The following PDE11A variants were observed in gnomAD, a reference collection of about 807,000 sequenced individuals.
PDE11A encodes the protein phosphodiesterase 11A, also known as dual 3',5'-cyclic-AMP and -GMP phosphodiesterase 11A.
Under a neutral mutation model 100.5 loss-of-function variants are expected in PDE11A, and 100 were observed. The ratio of observed to expected loss-of-function variants is 1.00; its 90% CI spans 0.85 to 1.18. PDE11A has a LOEUF of 1.18. Among genes scored for constraint, PDE11A ranks in the 50% most tolerant of loss-of-function variants. The probability of loss-of-function intolerance (pLI) is 0.00; values close to 1 mark genes in which losing one functional copy is unlikely to be tolerated. For synonymous variants in PDE11A, 381 were observed against 420.8 expected, an observed-to-expected ratio of 0.91 and a Z score of 1.16; for missense variants, 1,141 against 1,152.6, an observed-to-expected ratio of 0.99 and a Z score of 0.15.
chr2:177,800,543 C>A (rs4243392), intron 9 of PDE11A, among the ~76,000 whole-genome samples: 1 of 152,046 alleles, frequency 6.6e-6, no homozygotes, highest in Non-Finnish European at 1.5e-5. Flanking sequence ...CTCGTAGCAG[C>A]GTATGCTGAG....
At chr2:177,873,335 T>G (rs1287949576) in intron 5 of PDE11A, among the ~76,000 whole-genome samples, 1 of 152,226 alleles carries the variant, frequency 6.6e-6, no homozygotes, top group Non-Finnish European at 1.5e-5. Context: ...TAGAGATTTT[T>G]CTATCGTATT....
intron 2 of PDE11A, among the ~76,000 whole-genome samples, chr2:178,081,448 A>C (rs6754705): frequency 6.6e-6 from 1 of 152,076 alleles, no homozygotes; most frequent in Non-Finnish European, 1.5e-5. Flanking sequence ...CTACAATAAT[A>C]AGGTAAAGAA....
chr2:177,963,540 T>C (rs1237535362), intron 2 of PDE11A, among the ~76,000 whole-genome samples: 1 of 152,214 alleles, frequency 6.6e-6, no homozygotes, highest in Non-Finnish European at 1.5e-5. Context: ...AGATCCACTC[T>C]TGCCTGCACC....
At chr2:177,670,733 T>C (rs1574028162) in intron 17 of PDE11A, among the ~76,000 whole-genome samples, 2 of 152,162 alleles carry the variant, frequency 1.3e-5, no homozygotes, top group Non-Finnish European at 2.9e-5. Flanking sequence ...CAATCACAGA[T>C]TATAGATAAA....
intron 10 of PDE11A, among the ~76,000 whole-genome samples, chr2:177,737,055 A>AC (rs34130310): frequency 0.69 from 103,869 of 151,094 alleles, 37,964 homozygotes; most frequent in East Asian, 0.86. Flanking sequence ...AGCCTGACAA[A>AC]ATGGAGAAAC....
intron 6 of PDE11A, among the ~76,000 whole-genome samples, chr2:177,830,576 G>A (rs1371368334): frequency 1.3e-5 from 2 of 149,360 alleles, no homozygotes; most frequent in Non-Finnish European, 1.5e-5. Flanking sequence ...ACTCCAGCCT[G>A]GGAGACAGAG....
At chr2:178,010,769 C>T (rs1053531885) in intron 2 of PDE11A, among the ~76,000 whole-genome samples, 2 of 151,966 alleles carry the variant, frequency 1.3e-5, no homozygotes, top group African/African-American at 2.4e-5. Context: ...CGTATGTGGA[C>T]GCATATGTAA....
At chr2:177,640,768 G>A (rs1490112762) in intron 19 of PDE11A, among the ~76,000 whole-genome samples, 1 of 152,198 alleles carries the variant, frequency 6.6e-6, no homozygotes, top group Admixed American at 6.5e-5. Flanking sequence ...TGGACGGACT[G>A]TTTACAACTG....
chr2:177,681,004 C>G, intron 15 of PDE11A, 101 bp from the exon 16 acceptor site: 1 of 676,638 alleles, frequency 1.5e-6, no homozygotes, highest in Non-Finnish European at 2.6e-6. Context: ...AAACATAAGA[C>G]CACTTGAACC....
intron 2 of PDE11A, among the ~76,000 whole-genome samples, chr2:177,959,755 A>G (rs2085609473): frequency 6.6e-6 from 1 of 152,190 alleles, no homozygotes; most frequent in East Asian, 1.9e-4. Flanking sequence ...CAAAACTCAA[A>G]TCAAGTAGAG....
chr2:177,965,832 A>G (rs2695750), intron 2 of PDE11A, among the ~76,000 whole-genome samples: 85,597 of 152,062 alleles, frequency 0.56, 26,770 homozygotes, highest in African/African-American at 0.84. Flanking sequence ...GTATTGCTTC[A>G]GTTATTTGGG....
chr2:177,898,243 A>G, intron 3 of PDE11A, 45 bp from the exon 4 acceptor site: 1 of 1,409,230 alleles, frequency 7.1e-7, no homozygotes, highest in Non-Finnish European at 1.0e-6. Flanking sequence ...GTAAAACTGA[A>G]AAAAAGTTGC....
chr2:177,881,738 C>T (rs1333882290), intron 4 of PDE11A, among the ~76,000 whole-genome samples: 1 of 152,156 alleles, frequency 6.6e-6, no homozygotes. Flanking sequence ...CAAAGCCATA[C>T]TTATTAATTT....
chr2:177,941,428 C>T (rs1357884020), intron 2 of PDE11A, among the ~76,000 whole-genome samples: 3 of 152,172 alleles, frequency 2.0e-5, no homozygotes, highest in African/African-American at 4.8e-5. Flanking sequence ...TGTATAGCAG[C>T]ATGGCAATTT....
In PDE11A at chr2:177,628,984, C is replaced by T. The variant is rs946785499; in HGVS notation, c.*423G>A. ...TCTGGCACAAAAAGGCATTCAGGGA[C>T]AGGAAGCAAAGACAGGCAGTGTTTG... On this transcript the variant is annotated 3_prime_UTR_variant, in exon 20 of 20. Coordinates refer to ENST00000286063, the MANE Select transcript of PDE11A (RefSeq NM_016953.4). 2 of 219,204 alleles carry T rather than the reference C, an allele frequency of 9.1e-6. No homozygotes were observed. The highest frequency in any genetic ancestry group is 7.3e-5 in the South Asian group (1 of 13,646). 13.6% of individuals were successfully genotyped at this position (219,204 alleles called of 1,614,324 possible). A position where few individuals can be genotyped will look rare whatever the true frequency, so the allele number is the denominator to read the frequency against.
intron 4 of PDE11A, among the ~76,000 whole-genome samples, chr2:177,891,941 A>G (rs2084535729): frequency 6.6e-6 from 1 of 152,196 alleles, no homozygotes; most frequent in Non-Finnish European, 1.5e-5. Context: ...ACTGGTTAAT[A>G]CAGATAAAAG....
At chr2:177,698,805 G>C (rs984888634) in intron 14 of PDE11A, among the ~76,000 whole-genome samples, 11 of 152,154 alleles carry the variant, frequency 7.2e-5, no homozygotes, top group African/African-American at 2.2e-4. Flanking sequence ...ATAACGAAAG[G>C]AATGCTGCAC....
chr2:177,803,879 C>CT (rs1449335855), intron 9 of PDE11A, among the ~76,000 whole-genome samples: 2 of 151,766 alleles, frequency 1.3e-5, no homozygotes, highest in African/African-American at 4.8e-5. Context: ...AGCATTCCCT[C>CT]TAAGAACTGG....
intron 19 of PDE11A, among the ~76,000 whole-genome samples, chr2:177,641,451 C>T (rs1393619244): frequency 6.7e-6 from 1 of 149,678 alleles, no homozygotes; most frequent in Non-Finnish European, 1.5e-5. Context: ...AGCTAGACTC[C>T]ACATGGTGCG....
Sources: gnomAD v4.1 joint callset for allele counts (sites outside exome capture counted in the v4.1 genomes callset) on GRCh38, gnomAD v4.1.1 for gene constraint, MANE v1.5 for transcripts, NCBI Gene and HGNC (gene_info 2026-07-23, HGNC 2026-07-21) for gene names.